Variants in FSTL5 observed in about 807,000 individuals in gnomAD.
The protein encoded by FSTL5 is follistatin like 5, also known as follistatin-related protein 5.
FSTL5 carries 62 observed loss-of-function variants against 89.1 expected under a neutral mutation model. The observed-to-expected ratio is 0.70, with a 90% CI of 0.57 to 0.86. FSTL5 has a LOEUF of 0.86. FSTL5 is among the 40% of genes least tolerant of loss of function. The probability of loss-of-function intolerance (pLI) is 0.00; values close to 1 mark genes in which losing one functional copy is unlikely to be tolerated. For missense variants in FSTL5, 1,057 were observed against 1,001.6 expected, an observed-to-expected ratio of 1.06 and a Z score of -0.75; for synonymous variants, 383 against 346.2, an observed-to-expected ratio of 1.11 and a Z score of -1.18.
intron 7 of FSTL5, among the ~76,000 whole-genome samples, chr4:161,617,544 G>A (rs1432834994): frequency 1.3e-5 from 2 of 151,992 alleles, no homozygotes; most frequent in African/African-American, 4.8e-5. Flanking sequence ...TGGACAAACA[G>A]TAAGAAAATC....
intron 2 of FSTL5, among the ~76,000 whole-genome samples, chr4:162,046,005 A>G (rs1738160996): frequency 6.6e-6 from 1 of 152,118 alleles, no homozygotes; most frequent in South Asian, 2.1e-4. Flanking sequence ...TCACTTTTAG[A>G]TATCCTGTCT....
rs1287382884 is a variant in FSTL5 at position 161,454,495 on chromosome 4, TTTCAAC to T, written c.1841+503_1841+508del. 1.2e-4 allele frequency among the ~76,000 whole-genome samples: 18 copies of T among 152,100 alleles called. No homozygotes were observed. In the East Asian group the frequency reaches 2.9e-3, roughly 24 times the overall value. On this transcript the variant is annotated intron_variant, in intron 15 of 15. Coordinates refer to ENST00000306100, the MANE Select transcript of FSTL5 (RefSeq NM_020116.5). ...CAAAGTGCAGACCTGAAACATTTCA[TTTCAAC>T]TTCTTGTATTTCCTAATACAATTTT...
At chr4:161,974,863 G>C (rs28822184) in intron 3 of FSTL5, among the ~76,000 whole-genome samples, 49,870 of 151,362 alleles carry the variant, frequency 0.33, 8,473 homozygotes, top group South Asian at 0.43. Flanking sequence ...TCTGACAAAG[G>C]GCTAATAGCC....
At position 161,756,413 on chromosome 4, in the gene FSTL5, C is replaced by T. The variant is rs1040124091; in HGVS notation, c.727+2998G>A. On this transcript the variant is annotated intron_variant, in intron 6 of 15. Coordinates refer to ENST00000306100, the MANE Select transcript of FSTL5 (RefSeq NM_020116.5). ...TTCACTAAATTCATTGTATTTACTA[C>T]AAACAATTTCCATAAAATTTTTTAA... Among the ~76,000 whole-genome samples, 4 of 152,076 alleles carry T rather than the reference C, an allele frequency of 2.6e-5. No individual in the cohort carries two copies. In the East Asian group the frequency reaches 7.7e-4, roughly 29 times the overall value.
chr4:161,890,207 A>T (rs886861756), intron 4 of FSTL5, among the ~76,000 whole-genome samples: 6 of 152,162 alleles, frequency 3.9e-5, no homozygotes, highest in Non-Finnish European at 8.8e-5. Flanking sequence ...TTCATATGCC[A>T]TAATTTGCTT....
intron 4 of FSTL5, among the ~76,000 whole-genome samples, chr4:161,902,185 C>T (rs1158627969): frequency 6.6e-6 from 1 of 151,990 alleles, no homozygotes; most frequent in African/African-American, 2.4e-5. Flanking sequence ...CTGTACCTAC[C>T]CAAAAGGCAG....
chr4:161,701,140 A>T (rs1738374170), intron 6 of FSTL5, among the ~76,000 whole-genome samples: 1 of 152,228 alleles, frequency 6.6e-6, no homozygotes, highest in South Asian at 2.1e-4. Flanking sequence ...ATATAATTTT[A>T]AAGCAATCAG....
intron 4 of FSTL5, among the ~76,000 whole-genome samples, chr4:161,791,055 A>AT (rs1167098978): frequency 2.0e-5 from 3 of 152,188 alleles, no homozygotes; most frequent in African/African-American, 7.2e-5. Flanking sequence ...TTTCTATCAT[A>AT]TTTTAATGAC....
At chr4:161,467,452 G>A (rs1249268954) in intron 13 of FSTL5, among the ~76,000 whole-genome samples, 3 of 152,038 alleles carry the variant, frequency 2.0e-5, no homozygotes, top group Non-Finnish European at 2.9e-5. Context: ...TTTGTACTTT[G>A]CAGTTCACTA....
intron 7 of FSTL5, among the ~76,000 whole-genome samples, chr4:161,599,434 A>C (rs193080499): frequency 9.1e-4 from 138 of 152,280 alleles, no homozygotes; most frequent in Non-Finnish European, 1.7e-3. Context: ...TACACACATA[A>C]ATTTTTCTAT....
intron 4 of FSTL5, among the ~76,000 whole-genome samples, chr4:161,876,053 T>C (rs1732431778): frequency 6.6e-6 from 1 of 152,170 alleles, no homozygotes; most frequent in South Asian, 2.1e-4. Context: ...CTCATAAAGA[T>C]GTAAAGATAT....
chr4:161,789,161 T>G (rs142474265), intron 4 of FSTL5, among the ~76,000 whole-genome samples: 1,551 of 152,292 alleles, frequency 0.01, 31 homozygotes, highest in African/African-American at 0.035. Flanking sequence ...AATATTTTAT[T>G]TTCTTAAATT....
At chr4:162,018,769 A>C (rs1483546) in intron 3 of FSTL5, among the ~76,000 whole-genome samples, 151,879 of 152,186 alleles carry the variant, frequency 1, 75,786 homozygotes, top group Non-Finnish European at 1. Flanking sequence ...TTCTGGGACT[A>C]CACAGTTAAT....
chr4:161,912,398 A>G (rs1733719316), intron 4 of FSTL5, among the ~76,000 whole-genome samples: 1 of 152,142 alleles, frequency 6.6e-6, no homozygotes, highest in Non-Finnish European at 1.5e-5. Context: ...GCAGGAGGTA[A>G]TTGAATCATG....
intron 15 of FSTL5, among the ~76,000 whole-genome samples, chr4:161,403,385 T>A (rs947638326): frequency 2.0e-5 from 3 of 152,178 alleles, no homozygotes; most frequent in Non-Finnish European, 4.4e-5. Flanking sequence ...AAAAGGCTTT[T>A]AAAAATTTAA....
At chr4:162,103,121 T>C (rs976775656) in intron 2 of FSTL5, among the ~76,000 whole-genome samples, 14 of 152,274 alleles carry the variant, frequency 9.2e-5, no homozygotes, top group African/African-American at 3.1e-4. Context: ...CTGTAGTAGG[T>C]CTTTATCTTG....
chr4:161,767,621 A>T (rs1741059963), intron 5 of FSTL5, among the ~76,000 whole-genome samples: 1 of 151,294 alleles, frequency 6.6e-6, no homozygotes, highest in African/African-American at 2.4e-5. Flanking sequence ...AACCTCAGAC[A>T]CCTGTTTATA....
chr4:161,827,606 C>A (rs1015615927), intron 4 of FSTL5, among the ~76,000 whole-genome samples: 1 of 152,164 alleles, frequency 6.6e-6, no homozygotes, highest in African/African-American at 2.4e-5. Flanking sequence ...AGCTCAGACT[C>A]TCCTTGGGCA....
chr4:161,654,973 C>T (rs1209751796), intron 7 of FSTL5, among the ~76,000 whole-genome samples: 1 of 152,096 alleles, frequency 6.6e-6, no homozygotes, highest in Non-Finnish European at 1.5e-5. Flanking sequence ...TGAAGCTGTA[C>T]TTTATTGAAC....
Sources: allele counts gnomAD v4.1 joint callset (sites outside exome capture counted in the v4.1 genomes callset), GRCh38; gene constraint gnomAD v4.1.1; transcripts MANE v1.5; gene names NCBI Gene and HGNC (gene_info 2026-07-23, HGNC 2026-07-21).